Variants in HNRNPH3 observed in about 807,000 individuals in gnomAD.
The protein encoded by HNRNPH3 is heterogeneous nuclear ribonucleoprotein 2H9.
Under a neutral mutation model 47.0 loss-of-function variants are expected in HNRNPH3, and 7 were observed. The observed-to-expected ratio is 0.15, with a 90% CI of 0.08 to 0.28. HNRNPH3 has a LOEUF of 0.28. Ranked by LOEUF, HNRNPH3 falls within the 10% of genes least tolerant of loss-of-function variation. The probability of loss-of-function intolerance (pLI) is 1.00; values close to 1 mark genes in which losing one functional copy is unlikely to be tolerated. For missense variants in HNRNPH3, 279 were observed against 449.6 expected, an observed-to-expected ratio of 0.62 and a Z score of 3.43; for synonymous variants, 120 against 143.2, an observed-to-expected ratio of 0.84 and a Z score of 1.16.
At position 68,334,166 on chromosome 10, in the gene HNRNPH3, G is replaced by GT. The variant is rs1362051048; in HGVS notation, c.-24+1956dup. Among the ~76,000 whole-genome samples, 11 of 152,274 alleles carry GT rather than the reference G, an allele frequency of 7.2e-5. No individual in the cohort carries two copies. In the South Asian group the frequency reaches 1.2e-3, roughly 17 times the overall value. On this transcript the variant is annotated intron_variant, in intron 1 of 9. Coordinates refer to ENST00000265866, the MANE Select transcript of HNRNPH3 (RefSeq NM_012207.3). ...CCTTAAGCTATTAGGGGTGTGTCTA[G>GT]TTTTTTGTTTTTGTAAAGAGCAAGC...
chr10:68,338,827 C>A, intron 4 of HNRNPH3, 140 bp downstream of exon 4: 1 of 641,476 alleles, frequency 1.6e-6, no homozygotes, highest in Non-Finnish European at 2.5e-6. Context: ...ATTCCCATGG[C>A]TAGCTGTGGG....
intron 1 of HNRNPH3, chr10:68,333,195 A>G (rs1274628851): frequency 7.7e-6 from 1 of 130,710 alleles, no homozygotes; most frequent in African/African-American, 2.9e-5. Flanking sequence ...AAAGTGGGTG[A>G]TTTATCAAAT....
intron 1 of HNRNPH3, 124 bp downstream of exon 1, chr10:68,332,340 C>T (rs930425791): frequency 6.6e-6 from 1 of 152,162 alleles, no homozygotes; most frequent in Non-Finnish European, 1.5e-5. Context: ...GAGGCCGCCG[C>T]TTGGAAGCGG....
Position 68,337,630 on chromosome 10 carries a change from C to T in HNRNPH3, c.113-228C>T. ...CCTTTTTTCATGTAATATAGGTGGG[C>T]TTTTAGAGTGTGTAATTACACAGTG... On this transcript the variant is annotated intron_variant, in intron 2 of 9. Coordinates refer to ENST00000265866, the MANE Select transcript of HNRNPH3 (RefSeq NM_012207.3). The surrounding 1 kb of genome is among the most constrained non-coding windows in gnomAD (Gnocchi z 4.5). The T allele has an allele frequency of 1.9e-6, 1 of 527,438 alleles. No individual in the cohort carries two copies. Among genetic ancestry groups the T allele is most frequent in the Non-Finnish European group, 3.4e-6 (1 of 297,384 alleles). The allele number at this position is 527,438 out of a possible 1,614,324, so 32.7% of individuals were successfully genotyped here.
At chr10:68,338,834 T>C in intron 4 of HNRNPH3, 147 bp downstream of exon 4, 1 of 616,142 alleles carries the variant, frequency 1.6e-6, no homozygotes, top group Non-Finnish European at 2.7e-6. Context: ...TGGCTAGCTG[T>C]GGGACTTGAC....
chr10:68,339,319 G>T (rs897465684), intron 5 of HNRNPH3, 93 bp downstream of exon 5: 1 of 1,565,456 alleles, frequency 6.4e-7, no homozygotes, highest in Non-Finnish European at 8.7e-7. Flanking sequence ...CTTGTATAAA[G>T]TTAATTCAGA....
Position 68,341,851 on chromosome 10 carries a change from G to A in HNRNPH3, c.964G>A (p.Gly322Ser), listed in dbSNP as rs1445627158. Residue 322 changes from glycine (G) to serine (S), a missense_variant and splice_region_variant, in exon 9 of 10, where the codon GGC becomes AGC. Transcript: ENST00000265866. ...TACTCCTGATGGTTTGGGTGGTTAT[G>A]GTAAGTATCTCTAGTTCAGTTTGTG... ...YGTPDGLGGYGRGGGGSGGYY... is the reference protein window; with the variant it reads ...YGTPDGLGGYSRGGGGSGGYY... 5 of 1,608,272 alleles carry A rather than the reference G, an allele frequency of 3.1e-6. No homozygotes were observed. The South Asian group carries it at 4.4e-5, about 14-fold the overall frequency.
chr10:68,334,559 C>T (rs185054968), intron 1 of HNRNPH3, among the ~76,000 whole-genome samples: 8 of 152,280 alleles, frequency 5.3e-5, no homozygotes, highest in Admixed American at 5.2e-4. Context: ...TATCCATACC[C>T]TTTACTGGTC....
intron 6 of HNRNPH3, 173 bp from the exon 7 acceptor site, chr10:68,341,001 A>G (rs1202508616): frequency 4.0e-6 from 2 of 503,712 alleles, no homozygotes; most frequent in East Asian, 3.5e-5. Context: ...AATTCTTTAC[A>G]TTATCCCTAA....
intron 1 of HNRNPH3, chr10:68,336,959 CAATATAT>C: frequency 2.9e-6 from 1 of 342,520 alleles, no homozygotes; most frequent in Non-Finnish European, 5.2e-6. Context: ...TAAAATTAGG[CAATATAT>C]AATATTGATA....
Position 68,342,236 on chromosome 10 carries a change from C to A in HNRNPH3, c.*182C>A. On this transcript the variant is annotated 3_prime_UTR_variant, in exon 10 of 10. Coordinates refer to ENST00000265866, the MANE Select transcript of HNRNPH3 (RefSeq NM_012207.3). ...ATGTTTTCTGTAGGTTTATTTGTTG[C>A]ATACTTTGACTTAAAAATAAATTTT... The A allele has an allele frequency of 2.0e-6, 1 of 507,430 alleles. No homozygotes were observed. The allele number at this position is 507,430 out of a possible 1,614,324, so 31.4% of individuals were successfully genotyped here.
Position 68,339,425 on chromosome 10 carries a change from A to G in HNRNPH3, c.524-15A>G, listed in dbSNP as rs890574929. 6.2e-7 allele frequency: 1 copy of G among 1,605,072 alleles called. No homozygotes were observed. The highest frequency in any genetic ancestry group is 8.5e-7 in the Non-Finnish European group (1 of 1,171,936). Reference sequence around the variant, plus strand: ...TCTGTAATAGTTTATAATCTTGGCAAATTGTGTTTTCCAGGTATGGGAGGA... The same window carrying G: ...TCTGTAATAGTTTATAATCTTGGCAGATTGTGTTTTCCAGGTATGGGAGGA... On this transcript the variant is annotated splice_polypyrimidine_tract_variant and intron_variant, in intron 5 of 9. Coordinates refer to ENST00000265866, the MANE Select transcript of HNRNPH3 (RefSeq NM_012207.3).
chr10:68,332,782 A>G (rs1380554562), intron 1 of HNRNPH3: 1 of 152,242 alleles, frequency 6.6e-6, no homozygotes, highest in South Asian at 2.1e-4. Flanking sequence ...CGGCAGGGCT[A>G]CCTGGGCTGA....
At position 68,338,689 on chromosome 10, in the gene HNRNPH3, T is replaced by C; in HGVS notation, c.436+2T>C. 13 of 1,570,276 alleles carry C rather than the reference T, an allele frequency of 8.3e-6. No individual in the cohort carries two copies. Among genetic ancestry groups the C allele is most frequent in the Non-Finnish European group, 1.1e-5 (13 of 1,157,466 alleles). On this transcript the variant is annotated splice_donor_variant, in intron 4 of 9. Coordinates refer to ENST00000265866, the MANE Select transcript of HNRNPH3 (RefSeq NM_012207.3). LOFTEE classifies it high-confidence loss of function. Reference sequence around the variant, plus strand: ...GAGGAGGTGATGGATATGATGGTGGTATGTGTATCTAATGAACAAAGGTTC... The same window carrying C: ...GAGGAGGTGATGGATATGATGGTGGCATGTGTATCTAATGAACAAAGGTTC...
chr10:68,335,438 T>C (rs78260198), intron 1 of HNRNPH3, among the ~76,000 whole-genome samples: 1 of 60,844 alleles, frequency 1.6e-5, no homozygotes, highest in Non-Finnish European at 5.4e-5. Flanking sequence ...TTAAAAAAAA[T>C]AAATAAAACG....
At chr10:68,338,079 A>T in intron 3 of HNRNPH3, 83 bp downstream of exon 3, 1 of 1,063,942 alleles carries the variant, frequency 9.4e-7, no homozygotes, top group Non-Finnish European at 1.3e-6. Flanking sequence ...GGGGGTAGCC[A>T]TAACATTTTT....
rs1388078246 is a variant in HNRNPH3 at position 68,339,658 on chromosome 10, C to T, written c.639+103C>T. ...ATGTTTATAGCTTAATACCAAAATC[C>T]CTTGAATATAAAAATAGATCTACCT... On this transcript the variant is annotated intron_variant, in intron 6 of 9. Transcript: ENST00000265866. The T allele has an allele frequency of 8.7e-6, 6 of 693,418 alleles. No homozygotes were observed. The East Asian group carries it at 1.7e-4, about 19-fold the overall frequency. The allele number at this position is 693,418 out of a possible 1,614,324, so 43.0% of individuals were successfully genotyped here.
intron 1 of HNRNPH3, among the ~76,000 whole-genome samples, chr10:68,334,765 C>T (rs2045449317): frequency 6.6e-6 from 1 of 152,168 alleles, no homozygotes; most frequent in Admixed American, 6.5e-5. Context: ...TTGGTACTAG[C>T]ACCTAGAATT....
chr10:68,341,405 G>A (rs2045928101), intron 7 of HNRNPH3, 96 bp downstream of exon 7: 3 of 1,355,326 alleles, frequency 2.2e-6, no homozygotes, highest in Middle Eastern at 3.9e-4. Context: ...GCAGTTGTTG[G>A]GATTTAAAAC....
Sources: allele counts gnomAD v4.1 joint callset (sites outside exome capture counted in the v4.1 genomes callset), GRCh38; gene constraint gnomAD v4.1.1; non-coding constraint Gnocchi (gnomAD v3.1); transcripts MANE v1.5; gene names NCBI Gene and HGNC (gene_info 2026-07-23, HGNC 2026-07-21).